ST3GAL3: variants seen among roughly 807,000 people sequenced by gnomAD.
ST3GAL3 encodes CMP-N-acetylneuraminate-beta-1,4-galactoside alpha-2,3-sialyltransferase.
In ST3GAL3, 21 loss-of-function variants were observed where a neutral mutation model predicts 50.1. The ratio of observed to expected loss-of-function variants is 0.42; its 90% CI spans 0.30 to 0.60. The LOEUF is 0.60. ST3GAL3 is among the 20% of genes least tolerant of loss of function. ST3GAL3 has a pLI of 0.19. For synonymous variants in ST3GAL3, 183 were observed against 190.0 expected (o/e 0.96, Z 0.30); for missense variants, 353 against 489.4 (o/e 0.72, Z 2.63).
chr1:43,858,107 C>G, intron 5 of ST3GAL3: 2 of 1,289,230 alleles, frequency 1.6e-6, no homozygotes, highest in Non-Finnish European at 2.0e-6. Context: ...TGAGCCTCAC[C>G]TTCCTCATCT....
At chr1:43,835,605 C>T (rs1380741661) in intron 4 of ST3GAL3, among the ~76,000 whole-genome samples, 1 of 152,134 alleles carries the variant, frequency 6.6e-6, no homozygotes, top group Non-Finnish European at 1.5e-5. Context: ...CCTGTGCCCC[C>T]TGGACTGTCC....
intron 2 of ST3GAL3, among the ~76,000 whole-genome samples, chr1:43,770,553 C>T (rs1341032883): frequency 6.6e-6 from 1 of 151,998 alleles, no homozygotes; most frequent in Non-Finnish European, 1.5e-5. Context: ...ATTGCTTGGA[C>T]AGTTGTTGTT....
At chr1:43,721,344 G>C (rs914571864) in intron 1 of ST3GAL3, among the ~76,000 whole-genome samples, 47 of 111,496 alleles carry the variant, frequency 4.2e-4, no homozygotes, top group Non-Finnish European at 1.7e-4. Flanking sequence ...CCCTCTTGTT[G>C]CCCAGGCTGG....
intron 1 of ST3GAL3, among the ~76,000 whole-genome samples, chr1:43,715,772 A>G (rs1336607332): frequency 1.3e-5 from 2 of 152,222 alleles, no homozygotes; most frequent in African/African-American, 4.8e-5. Context: ...TGGGTGGCAG[A>G]GTGAGACCCT....
chr1:43,879,265 G>A, intron 5 of ST3GAL3: 1 of 456,200 alleles, frequency 2.2e-6, no homozygotes, highest in South Asian at 1.5e-5. Context: ...GGAAGGAGGA[G>A]GATCTGGGGT....
At chr1:43,829,801 T>G (rs1281812090) in intron 4 of ST3GAL3, among the ~76,000 whole-genome samples, 1 of 152,084 alleles carries the variant, frequency 6.6e-6, no homozygotes, top group Non-Finnish European at 1.5e-5. Flanking sequence ...GTGGTCGTAC[T>G]TATACCCAAA....
intron 2 of ST3GAL3, among the ~76,000 whole-genome samples, chr1:43,745,079 G>A (rs1683049566): frequency 6.6e-6 from 1 of 152,172 alleles, no homozygotes; most frequent in Non-Finnish European, 1.5e-5. Context: ...TTAAGGTCAG[G>A]AGTTTGAAAT....
intron 5 of ST3GAL3, among the ~76,000 whole-genome samples, chr1:43,844,683 G>A (rs2065945306): frequency 6.6e-6 from 1 of 152,146 alleles, no homozygotes; most frequent in Non-Finnish European, 1.5e-5. Context: ...GTGGTGGCGG[G>A]CACTACGGTG....
At chr1:43,824,422 C>G (rs916643402) in intron 4 of ST3GAL3, among the ~76,000 whole-genome samples, 1 of 151,300 alleles carries the variant, frequency 6.6e-6, no homozygotes, top group Non-Finnish European at 1.5e-5. Context: ...TTTCTCTTGG[C>G]TTCTCTAAGC....
intron 2 of ST3GAL3, among the ~76,000 whole-genome samples, chr1:43,780,211 G>C (rs576335545): frequency 6.6e-6 from 1 of 152,114 alleles, no homozygotes; most frequent in African/African-American, 2.4e-5. Flanking sequence ...TAGAATTCTA[G>C]GTTGGAAACC....
At chr1:43,724,701 G>T (rs1041898826) in intron 1 of ST3GAL3, among the ~76,000 whole-genome samples, 1 of 152,170 alleles carries the variant, frequency 6.6e-6, no homozygotes, top group African/African-American at 2.4e-5. Context: ...GCACAGTCAT[G>T]GTGTAGGGCT....
chr1:43,877,266 A>T (rs1216633408), intron 5 of ST3GAL3, among the ~76,000 whole-genome samples: 1 of 152,216 alleles, frequency 6.6e-6, no homozygotes, highest in Non-Finnish European at 1.5e-5. Flanking sequence ...GGGAAATTCC[A>T]GGAGCAGTCT....
intron 2 of ST3GAL3, among the ~76,000 whole-genome samples, chr1:43,746,754 G>A (rs867803259): frequency 1.4e-5 from 2 of 148,136 alleles, no homozygotes; most frequent in Non-Finnish European, 1.5e-5. Context: ...GAGCCACTGC[G>A]CCTGGCCTAG....
rs148364295 is a variant in ST3GAL3, at chr1:43,719,934, G to GAAAAA, written c.-31+12266_-31+12270dup. Among the ~76,000 whole-genome samples the GAAAAA allele has an allele frequency of 3.0e-3, 125 of 41,742 alleles. 1 individual carries two copies. The highest frequency in any genetic ancestry group is 3.4e-3 in the Admixed American group (9 of 2,618). The allele number at this position is 41,742 out of a possible 152,430, so 27.4% of individuals were successfully genotyped here. On this transcript the variant is annotated intron_variant, in intron 1 of 11. Transcript: ENST00000347631. The stretch of plus-strand genomic sequence containing the variant: ...AGCAACAGAGCAAGACTCTGTCTCA[G>GAAAAA]AAAAAAAAAAAAAAAAAAAAAAAAA...
intron 2 of ST3GAL3, among the ~76,000 whole-genome samples, chr1:43,782,273 A>G (rs1353783704): frequency 1.3e-5 from 2 of 151,984 alleles, no homozygotes; most frequent in Non-Finnish European, 2.9e-5. Context: ...AATCCTGTCC[A>G]TTCTCCCTTT....
At chr1:43,766,654 A>T (rs2154127977) in intron 2 of ST3GAL3, among the ~76,000 whole-genome samples, 1 of 152,196 alleles carries the variant, frequency 6.6e-6, no homozygotes, top group Middle Eastern at 3.4e-3. Context: ...TCGATGACAG[A>T]AGGCCCTAAG....
At chr1:43,784,214 C>G (rs1439107449) in intron 2 of ST3GAL3, among the ~76,000 whole-genome samples, 5 of 152,116 alleles carry the variant, frequency 3.3e-5, no homozygotes, top group Non-Finnish European at 7.4e-5. Flanking sequence ...ATTCTCCTTG[C>G]ATCTAAACGA....
intron 9 of ST3GAL3, among the ~76,000 whole-genome samples, chr1:43,903,577 G>C (rs895763802): frequency 6.6e-6 from 1 of 152,238 alleles, no homozygotes; most frequent in Non-Finnish European, 1.5e-5. Context: ...GCCCTGCAGG[G>C]GGAAGAGAGA....
At chr1:43,925,601 C>G (rs764294491) in intron 11 of ST3GAL3, among the ~76,000 whole-genome samples, 1 of 152,186 alleles carries the variant, frequency 6.6e-6, no homozygotes, top group Non-Finnish European at 1.5e-5. Context: ...CCTCTGTTAC[C>G]TGGGGTGTCT....
Sources: gnomAD v4.1 joint callset for allele counts (sites outside exome capture counted in the v4.1 genomes callset) on GRCh38, gnomAD v4.1.1 for gene constraint, MANE v1.5 for transcripts, NCBI Gene and HGNC (gene_info 2026-07-23, HGNC 2026-07-21) for gene names.